PRKD1: variants seen among roughly 807,000 people sequenced by gnomAD.
PRKD1 encodes the protein serine/threonine-protein kinase D1.
A neutral mutation model predicts 95.9 loss-of-function variants in PRKD1; 63 were observed. That is an observed-to-expected ratio of 0.66 (90% confidence interval 0.54 to 0.81). PRKD1 has a LOEUF of 0.81. PRKD1 is among the 30% of genes least tolerant of loss of function. The pLI is 0.00. For missense variants in PRKD1, 1,048 were observed against 1,165.3 expected (o/e 0.90, Z 1.47); for synonymous variants, 425 against 423.1 (o/e 1.00, Z -0.05).
chr14:29,844,758 G>C (rs1892013945), intron 1 of PRKD1, among the ~76,000 whole-genome samples: 2 of 152,154 alleles, frequency 1.3e-5, no homozygotes, highest in Admixed American at 1.3e-4. Flanking sequence ...AAAATTCGAA[G>C]TCTGAAGGTT....
intron 1 of PRKD1, among the ~76,000 whole-genome samples, chr14:29,861,950 C>A (rs1286791512): frequency 1.3e-5 from 2 of 152,150 alleles, no homozygotes; most frequent in Non-Finnish European, 2.9e-5. Flanking sequence ...CTGTGCCTGG[C>A]CCAAATACTA....
In PRKD1 at chr14:29,672,350, AT is replaced by A. The variant is rs201330752; in HGVS notation, c.404-6143del. ...AGCGAGACTCTGTCTCAAAAAAAAA[AT>A]AAAATAAAATAAAATAAAATAAAAT... On this transcript the variant is annotated intron_variant, in intron 2 of 17. Transcript: ENST00000331968. Among the ~76,000 whole-genome samples, 765 of 149,132 alleles carry A rather than the reference AT, an allele frequency of 5.1e-3. 6 individuals carry two copies. The highest frequency in any genetic ancestry group is 0.018 in the African/African-American group (711 of 39,610).
intron 4 of PRKD1, among the ~76,000 whole-genome samples, chr14:29,656,878 T>G (rs1881879831): frequency 6.6e-6 from 1 of 152,186 alleles, no homozygotes; most frequent in African/African-American, 2.4e-5. Context: ...AGTGAAAGAT[T>G]AGATTTTCTT....
intron 10 of PRKD1, 96 bp from the exon 11 acceptor site, chr14:29,629,189 G>T (rs962447693): frequency 9.7e-7 from 1 of 1,033,308 alleles, no homozygotes; most frequent in Non-Finnish European, 1.4e-6. Flanking sequence ...TCCTGCAAAA[G>T]TGGTTTTAAC....
intron 2 of PRKD1, among the ~76,000 whole-genome samples, chr14:29,694,564 G>A (rs920005419): frequency 3.0e-4 from 46 of 152,200 alleles, no homozygotes; most frequent in African/African-American, 1.1e-3. Context: ...AACAGATAGA[G>A]ATGTTTCCTC....
At chr14:29,823,706 T>A (rs1469255883) in intron 1 of PRKD1, among the ~76,000 whole-genome samples, 1 of 152,170 alleles carries the variant, frequency 6.6e-6, no homozygotes, top group East Asian at 1.9e-4. Flanking sequence ...GACAGAAACG[T>A]TAGGATGAGA....
chr14:29,711,779 G>C (rs1348304273), intron 2 of PRKD1, among the ~76,000 whole-genome samples: 1 of 152,006 alleles, frequency 6.6e-6, no homozygotes, highest in Non-Finnish European at 1.5e-5. Context: ...AGTAAATAAA[G>C]GCCTATCAAG....
Position 29,578,256 on chromosome 14 carries a change from C to T in PRKD1, c.2520+19G>A. ...TTAGAAGCTCATTCAACTAAGAAAA[C>T]TCAGTGATTATTGTTTACCTGTAGC... On this transcript the variant is annotated intron_variant, in intron 17 of 17. Transcript: ENST00000331968. 2 of 1,548,126 alleles carry T rather than the reference C, an allele frequency of 1.3e-6. No individual in the cohort carries two copies. The highest frequency in any genetic ancestry group is 1.8e-6 in the Non-Finnish European group (2 of 1,133,916).
intron 1 of PRKD1, among the ~76,000 whole-genome samples, chr14:29,840,867 C>T (rs1891814556): frequency 6.6e-6 from 1 of 152,192 alleles, no homozygotes; most frequent in African/African-American, 2.4e-5. Flanking sequence ...CCTACCAGGT[C>T]CCTCCCACAA....
At chr14:29,905,930 T>A (rs1225913579) in intron 1 of PRKD1, among the ~76,000 whole-genome samples, 1 of 152,022 alleles carries the variant, frequency 6.6e-6, no homozygotes, top group East Asian at 1.9e-4. Context: ...CCTGAGACAT[T>A]TAAGAATATC....
chr14:29,809,114 G>A lies in PRKD1; in HGVS notation c.265-83440C>T, dbSNP rs569308237. ...TTGGGTGACCAGGTGCATTGTCAAC[G>A]AAAAACAATATTTTGAAAGGAATCT... On this transcript the variant is annotated intron_variant, in intron 1 of 17. Coordinates refer to ENST00000331968, the MANE Select transcript of PRKD1 (RefSeq NM_002742.3). Among the ~76,000 whole-genome samples, 35 of 152,286 alleles carry A rather than the reference G, an allele frequency of 2.3e-4. 1 individual carries two copies. The East Asian group carries it at 3.9e-3, about 17-fold the overall frequency.
chr14:29,797,014 T>A (rs1407384990), intron 1 of PRKD1, among the ~76,000 whole-genome samples: 1 of 152,140 alleles, frequency 6.6e-6, no homozygotes, highest in Non-Finnish European at 1.5e-5. Context: ...TTAATCCAAT[T>A]TAGAGCTCTA....
At chr14:29,640,514 A>G (rs575132183) in intron 4 of PRKD1, among the ~76,000 whole-genome samples, 2 of 152,356 alleles carry the variant, frequency 1.3e-5, no homozygotes, top group East Asian at 3.9e-4. Context: ...GTAAAGCATA[A>G]TTATTCTGGA....
Position 29,715,822 on chromosome 14 carries a change from A to G in PRKD1, c.403+9714T>C, listed in dbSNP as rs1443165104. ...TATGTGTCAAGCTTTCATTTTTGAC[A>G]TGGATTGTGATATTTTTGAAAATAA... On this transcript the variant is annotated intron_variant, in intron 2 of 17. Coordinates refer to ENST00000331968, the MANE Select transcript of PRKD1 (RefSeq NM_002742.3). Among the ~76,000 whole-genome samples, 6 of 152,194 alleles carry G rather than the reference A, an allele frequency of 3.9e-5. No individual in the cohort carries two copies. The East Asian group carries it at 1.2e-3, about 29-fold the overall frequency.
intron 1 of PRKD1, among the ~76,000 whole-genome samples, chr14:29,823,350 T>G (rs1245568843): frequency 6.6e-6 from 1 of 152,222 alleles, no homozygotes; most frequent in Non-Finnish European, 1.5e-5. Context: ...CACAAGTGAA[T>G]TCACAAGCTG....
intron 16 of PRKD1, among the ~76,000 whole-genome samples, chr14:29,589,707 T>C (rs1998354): frequency 0.017 from 2,566 of 152,222 alleles, 77 homozygotes; most frequent in African/African-American, 0.059. Flanking sequence ...TGTACTCTAT[T>C]TACTCCATTT....
At chr14:29,677,279 C>T (rs1883286117) in intron 2 of PRKD1, among the ~76,000 whole-genome samples, 1 of 152,162 alleles carries the variant, frequency 6.6e-6, no homozygotes, top group African/African-American at 2.4e-5. Context: ...AACCCCCAAA[C>T]TCTGAAAATG....
chr14:29,842,660 C>T (rs1388335839), intron 1 of PRKD1, among the ~76,000 whole-genome samples: 1 of 152,196 alleles, frequency 6.6e-6, no homozygotes, highest in African/African-American at 2.4e-5. Context: ...AACTGTCATA[C>T]TGTTCTGGTG....
chr14:29,675,962 C>T (rs1025765013), intron 2 of PRKD1, among the ~76,000 whole-genome samples: 5 of 125,816 alleles, frequency 4.0e-5, no homozygotes, highest in African/African-American at 1.6e-4. Context: ...GGGAACATCA[C>T]ACATCGGGGC....
Sources: gnomAD v4.1 joint callset for allele counts (sites outside exome capture counted in the v4.1 genomes callset) on GRCh38, gnomAD v4.1.1 for gene constraint, MANE v1.5 for transcripts, NCBI Gene and HGNC (gene_info 2026-07-23, HGNC 2026-07-21) for gene names.